Variants in JCAD observed in about 807,000 individuals in gnomAD.
JCAD encodes junctional cadherin 5-associated protein.
Under a neutral mutation model 98.0 loss-of-function variants are expected in JCAD, and 40 were observed. The observed-to-expected ratio is 0.41, with a 90% CI of 0.32 to 0.53. JCAD has a LOEUF of 0.53. Among genes scored for constraint, JCAD ranks in the 20% least tolerant of loss-of-function variants. JCAD has a pLI of 0.31. For missense variants in JCAD, 1,705 were observed against 1,738.1 expected (o/e 0.98, Z 0.34); for synonymous variants, 691 against 682.3 (o/e 1.01, Z -0.20).
intron 1 of JCAD, among the ~76,000 whole-genome samples, chr10:30,072,434 A>G (rs1333749953): frequency 6.6e-6 from 1 of 152,232 alleles, no homozygotes; most frequent in African/African-American, 2.4e-5. Flanking sequence ...TTGTATATCC[A>G]TAAAGATCTC....
In JCAD at chr10:30,027,978, C is replaced by G; in HGVS notation, c.2170G>C (p.Asp724His). 6.2e-7 allele frequency: 1 copy of G among 1,614,232 alleles called. No homozygotes were observed. Among genetic ancestry groups the G allele is most frequent in the Non-Finnish European group, 8.5e-7 (1 of 1,180,048 alleles). ...SRAALSPKCS[D>H]PAASEAQTHT... ...GTCTGAGCTTCGGAGGCAGCAGGGT[C>G]TGAACATTTTGGACTCAATGCTGCA... The change falls in exon 3 of 4, where the codon GAC becomes CAC. Residue 724 changes from aspartate to histidine, a missense_variant. This residue lies in a region of JCAD where 1,278 missense variants were observed against 1,243.1 expected (regional missense o/e 1.03). Transcript: ENST00000375377.
At chr10:30,077,518 C>G (rs1838002913) in intron 1 of JCAD, among the ~76,000 whole-genome samples, 1 of 152,176 alleles carries the variant, frequency 6.6e-6, no homozygotes, top group Admixed American at 6.6e-5. Context: ...TTACAACCAT[C>G]ATGACTATTC....
chr10:30,058,830 C>T (rs1475748968), intron 1 of JCAD, among the ~76,000 whole-genome samples: 1 of 152,152 alleles, frequency 6.6e-6, no homozygotes, highest in Non-Finnish European at 1.5e-5. Flanking sequence ...CACGCGCAGC[C>T]AGGAGCCGGG....
chr10:30,092,048 A>ATATATATAT (rs1838278587), intron 1 of JCAD, among the ~76,000 whole-genome samples: 2 of 30,234 alleles, frequency 6.6e-5, no homozygotes, highest in African/African-American at 3.7e-4. Context: ...AAAAAAAAAA[A>ATATATATAT]AAAAAAAAAA....
intron 1 of JCAD, among the ~76,000 whole-genome samples, chr10:30,084,170 A>T (rs991567494): frequency 8.0e-5 from 12 of 150,480 alleles, no homozygotes; most frequent in African/African-American, 2.9e-4. Context: ...AGAAGGAGGA[A>T]GGAGGAAGGA....
At chr10:30,103,916 A>G (rs1054890102) in intron 1 of JCAD, among the ~76,000 whole-genome samples, 1 of 151,984 alleles carries the variant, frequency 6.6e-6, no homozygotes, top group African/African-American at 2.4e-5. Context: ...TATTATTTTA[A>G]TTTTGCCATA....
intron 2 of JCAD, among the ~76,000 whole-genome samples, chr10:30,035,249 A>G (rs947307950): frequency 3.9e-5 from 6 of 152,216 alleles, no homozygotes; most frequent in Admixed American, 6.5e-5. Flanking sequence ...ATGTTACACT[A>G]TCACTTTAAC....
In JCAD at chr10:30,027,529, G is replaced by T; in HGVS notation, c.2619C>A (p.His873Gln). Residue 873 changes from histidine (H) to glutamine (Q), a missense_variant, in exon 3 of 4, where the codon CAC (histidine) becomes CAA (glutamine). Physicochemically the swap from His to Gln is conservative, Grantham distance 24. Transcript: ENST00000375377. ...GGAAGCCCACATCCTCCTGTCTGCA[G>T]TGAGCACGGTTCTCCTGCTGCGGCT... ...EAEPQQENRA[H>Q]CRQEDVGFRG... 1 of 1,612,836 alleles carries T rather than the reference G, an allele frequency of 6.2e-7. No homozygotes were observed. Among genetic ancestry groups the T allele is most frequent in the Non-Finnish European group, 8.5e-7 (1 of 1,180,040 alleles).
chr10:30,044,681 T>TTG (rs1837300489), intron 2 of JCAD: 1 of 317,966 alleles, frequency 3.1e-6, no homozygotes, highest in East Asian at 1.7e-4. Context: ...TATTGGCTTT[T>TTG]TTTTTTTTTT....
Position 30,028,494 on chromosome 10 carries a change from A to G in JCAD, c.1654T>C (p.Cys552Arg), listed in dbSNP as rs1395742733. ...SSPYSQGESTCETQTKLKKFQ... is the reference protein window; with the variant it reads ...SSPYSQGESTRETQTKLKKFQ... ...TTTTTGAGCTTGGTTTGAGTTTCGCAGGTGCTCTCGCCCTGTGAGTAAGGG... is the reference window on the plus strand; with the variant it reads ...TTTTTGAGCTTGGTTTGAGTTTCGCGGGTGCTCTCGCCCTGTGAGTAAGGG... Residue 552 changes from cysteine (C) to arginine (R), a missense_variant, in exon 3 of 4, where the codon TGC becomes CGC. Around this residue, in one of 3 missense-constraint regions of JCAD, gnomAD observed 1,278 missense variants for 1,243.1 expected, o/e 1.03. Coordinates refer to ENST00000375377, the MANE Select transcript of JCAD (RefSeq NM_020848.4). 6.2e-7 allele frequency: 1 copy of G among 1,614,210 alleles called. No individual in the cohort carries two copies. Among genetic ancestry groups the G allele is most frequent in the Middle Eastern group, 1.6e-4 (1 of 6,062 alleles).
At chr10:30,091,487 A>T (rs189903345) in intron 1 of JCAD, among the ~76,000 whole-genome samples, 12 of 151,868 alleles carry the variant, frequency 7.9e-5, no homozygotes, top group African/African-American at 2.4e-4. Flanking sequence ...CTGGTCTTGA[A>T]CTCCTGGGCT....
chr10:30,113,548 C>CAAAAAAAAA (rs71023545), intron 1 of JCAD, among the ~76,000 whole-genome samples: 1 of 15,966 alleles, frequency 6.3e-5, no homozygotes, highest in African/African-American at 2.0e-4. Context: ...GAGACACTGT[C>CAAAAAAAAA]AAAAAAAAAA....
At chr10:30,032,685 G>A (rs998411761) in intron 2 of JCAD, among the ~76,000 whole-genome samples, 1 of 152,202 alleles carries the variant, frequency 6.6e-6, no homozygotes, top group Non-Finnish European at 1.5e-5. Flanking sequence ...ACTCAGAGAT[G>A]GTTACTTTGA....
intron 1 of JCAD, among the ~76,000 whole-genome samples, chr10:30,098,608 A>G (rs985008365): frequency 5.1e-4 from 77 of 152,340 alleles, no homozygotes; most frequent in African/African-American, 1.6e-3. Flanking sequence ...AATAAATGCA[A>G]AATGAAAGAA....
intron 1 of JCAD, among the ~76,000 whole-genome samples, chr10:30,093,839 C>CT (rs1838324552): frequency 6.6e-6 from 1 of 152,308 alleles, no homozygotes; most frequent in South Asian, 2.1e-4. Flanking sequence ...GATCCAAGTC[C>CT]TTTTGCAAGA....
In JCAD at chr10:30,027,571, A is replaced by ACTG. The variant is rs34594193; in HGVS notation, c.2574_2576dup (p.Ser859dup). 14,080 of 1,612,392 alleles carry ACTG rather than the reference A, an allele frequency of 8.7e-3. 96 individuals carry two copies. The highest frequency in any genetic ancestry group is 0.044 in the African/African-American group (3,240 of 74,454). On this transcript the variant is annotated inframe_insertion, in exon 3 of 4. Coordinates refer to ENST00000375377, the MANE Select transcript of JCAD (RefSeq NM_020848.4). ...GCTGCGGCTCCGCCTCACTCTCCTC[A>ACTG]CTGCTGCTGCTGCTGCTGCTGCTGC...
chr10:30,048,293 CA>C (rs1283389540), intron 1 of JCAD, among the ~76,000 whole-genome samples: 1 of 152,136 alleles, frequency 6.6e-6, no homozygotes, highest in Non-Finnish European at 1.5e-5. Context: ...GAGAAACCAC[CA>C]ATATCCAGCT....
intron 1 of JCAD, among the ~76,000 whole-genome samples, chr10:30,075,295 C>T (rs1486528659): frequency 6.6e-6 from 1 of 152,160 alleles, no homozygotes; most frequent in East Asian, 1.9e-4. Flanking sequence ...TAGTTCCCCT[C>T]TGATATTATG....
At chr10:30,081,913 G>A (rs1012701676) in intron 1 of JCAD, among the ~76,000 whole-genome samples, 4 of 152,300 alleles carry the variant, frequency 2.6e-5, no homozygotes, top group East Asian at 3.9e-4. Flanking sequence ...ATAACCTCCA[G>A]TATGGCCTAT....
Sources: gnomAD v4.1 joint callset for allele counts (sites outside exome capture counted in the v4.1 genomes callset) on GRCh38, gnomAD v4.1.1 for gene constraint, gnomAD v4.1.1 regional missense constraint, MANE v1.5 for transcripts, NCBI Gene and HGNC (gene_info 2026-07-23, HGNC 2026-07-21) for gene names.